The following SGSM1 variants were observed in gnomAD, a reference collection of about 807,000 sequenced individuals.
SGSM1 encodes RUN and TBC1 domain containing 2.
In SGSM1, 73 loss-of-function variants were observed where a neutral mutation model predicts 133.8. The ratio of observed to expected loss-of-function variants is 0.55; its 90% CI spans 0.45 to 0.66. SGSM1 has a LOEUF of 0.66. SGSM1 is among the 30% of genes least tolerant of loss of function. The pLI is 0.00. For synonymous variants in SGSM1, 563 were observed against 573.0 expected, an observed-to-expected ratio of 0.98 and a Z score of 0.25; for missense variants, 1,213 against 1,448.1, an observed-to-expected ratio of 0.84 and a Z score of 2.64.
chr22:24,875,625 G>T (rs777550328), intron 12 of SGSM1, among the ~76,000 whole-genome samples: 1 of 147,362 alleles, frequency 6.8e-6, no homozygotes, highest in Non-Finnish European at 1.5e-5. Flanking sequence ...GGGCAATAAA[G>T]CGAGACTCCA....
At chr22:24,882,825 G>A (rs8139092) in intron 14 of SGSM1, among the ~76,000 whole-genome samples, 6,248 of 151,824 alleles carry the variant, frequency 0.041, 156 homozygotes, top group Middle Eastern at 0.055. Flanking sequence ...ATGCTGCTGC[G>A]CATGACAGGA....
intron 12 of SGSM1, among the ~76,000 whole-genome samples, chr22:24,875,292 A>G (rs1931976022): frequency 6.6e-6 from 1 of 152,240 alleles, no homozygotes; most frequent in Admixed American, 6.5e-5. Context: ...AATGATCCAA[A>G]AAAGCCAAAA....
chr22:24,812,384 T>C (rs1253320903), intron 2 of SGSM1, among the ~76,000 whole-genome samples: 1 of 152,110 alleles, frequency 6.6e-6, no homozygotes, highest in Non-Finnish European at 1.5e-5. Flanking sequence ...TGCAGCTCGC[T>C]TTAAGGTCCC....
intron 22 of SGSM1, among the ~76,000 whole-genome samples, chr22:24,914,380 G>A (rs567363104): frequency 6.6e-6 from 1 of 152,128 alleles, no homozygotes; most frequent in Admixed American, 6.6e-5. Context: ...GGAGGCTGAG[G>A]TAGGAGAATT....
At chr22:24,871,198 C>G (rs1490501548) in intron 12 of SGSM1, among the ~76,000 whole-genome samples, 1 of 152,138 alleles carries the variant, frequency 6.6e-6, no homozygotes, top group Non-Finnish European at 1.5e-5. Flanking sequence ...CTAGACATTG[C>G]CAGGTGTCCT....
At chr22:24,831,605 C>G (rs1029829537) in intron 2 of SGSM1, among the ~76,000 whole-genome samples, 1 of 152,184 alleles carries the variant, frequency 6.6e-6, no homozygotes, top group Non-Finnish European at 1.5e-5. Context: ...TTCTCACGCT[C>G]CCTCCTCTGC....
chr22:24,834,039 T>G (rs1450547633), intron 2 of SGSM1, among the ~76,000 whole-genome samples: 1 of 152,218 alleles, frequency 6.6e-6, no homozygotes, highest in Non-Finnish European at 1.5e-5. Flanking sequence ...TGGGGCCCAG[T>G]AGCCTCTGCT....
chr22:24,858,974 G>A (rs1286026747), intron 8 of SGSM1, among the ~76,000 whole-genome samples: 1 of 152,228 alleles, frequency 6.6e-6, no homozygotes, highest in Non-Finnish European at 1.5e-5. Flanking sequence ...CCCATTTCAG[G>A]TACATGAAAA....
In SGSM1 at chr22:24,905,147, G is replaced by A; in HGVS notation, c.2778G>A (p.Met926Ile). 3 of 1,614,046 alleles carry A rather than the reference G, an allele frequency of 1.9e-6. No homozygotes were observed. The highest frequency in any genetic ancestry group is 1.1e-5 in the South Asian group (1 of 91,086). Residue 926 changes from methionine (M) to isoleucine (I), a missense_variant, in exon 21 of 25, where the codon ATG becomes ATA. By Grantham distance (10) the Met-to-Ile change is conservative (BLOSUM62 1). Coordinates refer to ENST00000400358, the MANE Select transcript of SGSM1 (RefSeq NM_001098497.3). ...TTGAGATCGGCTATGTCCAGGGCAT[G>A]TGTGATCTTCTGGCTCCACTGCTGG... ...QHIEIGYVQG[M>I]CDLLAPLLVI...
intron 8 of SGSM1, among the ~76,000 whole-genome samples, chr22:24,857,970 G>A (rs1239545734): frequency 6.6e-6 from 1 of 152,030 alleles, no homozygotes; most frequent in Non-Finnish European, 1.5e-5. Flanking sequence ...TCTCATCTCG[G>A]GGATGTTTTT....
At chr22:24,860,452 T>A (rs1383277085) in intron 9 of SGSM1, among the ~76,000 whole-genome samples, 11 of 152,116 alleles carry the variant, frequency 7.2e-5, no homozygotes, top group Admixed American at 7.2e-4. Context: ...AAGCAGTGGT[T>A]TTTCCTGCTC....
chr22:24,861,662 C>T (rs1277501033), intron 9 of SGSM1, among the ~76,000 whole-genome samples: 3 of 151,402 alleles, frequency 2.0e-5, no homozygotes, highest in Admixed American at 1.3e-4. Context: ...ATCCTCCCAC[C>T]TCAGCCTCCT....
At chr22:24,821,939 C>T (rs1263871010) in intron 2 of SGSM1, among the ~76,000 whole-genome samples, 2 of 152,186 alleles carry the variant, frequency 1.3e-5, no homozygotes, top group Non-Finnish European at 2.9e-5. Flanking sequence ...CCCTCAGAGT[C>T]TGCAGTTGAC....
At chr22:24,856,071 A>G (rs1206498086) in intron 8 of SGSM1, 2 of 382,366 alleles carry the variant, frequency 5.2e-6, no homozygotes, top group Non-Finnish European at 5.2e-6. Flanking sequence ...CCATTTGTCC[A>G]TTTATTTTCC....
intron 2 of SGSM1, among the ~76,000 whole-genome samples, chr22:24,834,458 C>T (rs1360617587): frequency 2.0e-5 from 3 of 152,226 alleles, no homozygotes; most frequent in Non-Finnish European, 4.4e-5. Flanking sequence ...TTTCATGCTA[C>T]AAGGGCAGAG....
In SGSM1 at chr22:24,926,119, C is replaced by T. The variant is rs1056188931; in HGVS notation, c.*1845C>T. On this transcript the variant is annotated 3_prime_UTR_variant, in exon 25 of 25. Transcript: ENST00000400358. ...AGCATTTGCGGAGGGGTGTATTAGT[C>T]CTCCCACCCTGAGCACACCAGGACG... 7 of 152,112 alleles carry T rather than the reference C, an allele frequency of 4.6e-5. No individual in the cohort carries two copies. Among genetic ancestry groups the T allele is most frequent in the Admixed American group, 3.3e-4 (5 of 15,266 alleles). The allele number at this position is 152,112 out of a possible 1,614,324, so 9.4% of individuals were successfully genotyped here. A position where few individuals can be genotyped will look rare whatever the true frequency, so the allele number is the denominator to read the frequency against.
intron 2 of SGSM1, among the ~76,000 whole-genome samples, chr22:24,839,499 A>G (rs909038670): frequency 6.6e-6 from 1 of 152,228 alleles, no homozygotes; most frequent in African/African-American, 2.4e-5. Context: ...CCCTGACCTT[A>G]TAAAATGAGT....
At chr22:24,892,898 A>AAG (rs1932838909) in intron 16 of SGSM1, among the ~76,000 whole-genome samples, 1 of 150,954 alleles carries the variant, frequency 6.6e-6, no homozygotes, top group Non-Finnish European at 1.5e-5. Flanking sequence ...AAAAAAAAAA[A>AAG]AAAAATACAA....
At chr22:24,823,085 T>C (rs896158843) in intron 2 of SGSM1, among the ~76,000 whole-genome samples, 1 of 152,208 alleles carries the variant, frequency 6.6e-6, no homozygotes, top group African/African-American at 2.4e-5. Flanking sequence ...TTCTAAGCCT[T>C]GTGCTCTCGG....
Sources: allele counts gnomAD v4.1 joint callset (sites outside exome capture counted in the v4.1 genomes callset), GRCh38; gene constraint gnomAD v4.1.1; transcripts MANE v1.5; gene names NCBI Gene and HGNC (gene_info 2026-07-23, HGNC 2026-07-21).